Variants in TCF21 observed in about 807,000 individuals in gnomAD.
The protein encoded by TCF21 is transcription factor 21.
TCF21 carries 3 observed loss-of-function variants against 13.5 expected under a neutral mutation model. That is an observed-to-expected ratio of 0.22 (90% CI 0.10 to 0.57). The LOEUF (loss-of-function observed/expected upper bound fraction) is 0.57, where lower values mean the gene tolerates loss of function less well. TCF21 is among the 20% of genes least tolerant of loss of function. The pLI is 0.92. For synonymous variants in TCF21, 92 were observed against 101.7 expected (o/e 0.90, Z 0.57); for missense variants, 181 against 238.4 (o/e 0.76, Z 1.59).
chr6:133,891,807 G>T lies in TCF21; in HGVS notation c.*5G>T, dbSNP rs200602364. The T allele has an allele frequency of 1.6e-5, 26 of 1,613,848 alleles. No individual in the cohort carries two copies. In the East Asian group the frequency reaches 5.8e-4, roughly 36 times the overall value. ...TGTGGAACCACCGCGTCCTGACCTTGGAGGTGCGAGTCTGGGAAAGGCGCG... is the reference window on the plus strand; with the variant it reads ...TGTGGAACCACCGCGTCCTGACCTTTGAGGTGCGAGTCTGGGAAAGGCGCG... On this transcript the variant is annotated 3_prime_UTR_variant, in exon 2 of 2. Coordinates refer to ENST00000367882, the MANE Select transcript of TCF21 (RefSeq NM_003206.4).
chr6:133,889,294 G>A lies in TCF21; in HGVS notation c.-104G>A, dbSNP rs1775162629. ...GGAGGTGGCTGCGCCACACTCGGGAGGCCTCTTGGTTTCAGGGTCTCTCTG... is the reference window on the plus strand; with the variant it reads ...GGAGGTGGCTGCGCCACACTCGGGAAGCCTCTTGGTTTCAGGGTCTCTCTG... On this transcript the variant is annotated 5_prime_UTR_variant, in exon 1 of 2. Transcript: ENST00000367882. This position sits in a 1 kb window ranked among gnomAD's most constrained non-coding sequence, Gnocchi z 5.1. The A allele has an allele frequency of 2.8e-6, 4 of 1,451,024 alleles. No individual in the cohort carries two copies. The highest frequency in any genetic ancestry group is 1.7e-5 in the Admixed American group (1 of 59,524). 89.9% of individuals were successfully genotyped at this position (1,451,024 alleles called of 1,614,324 possible). A position where few individuals can be genotyped will look rare whatever the true frequency, so the allele number is the denominator to read the frequency against.
Position 133,889,353 on chromosome 6 carries a change from C to G in TCF21, c.-45C>G. ...TCACCCTCTTCCTCGCTTTCTCTGT[C>G]TCTCTGTCTCTCTCTCTCTCTCTCC... On this transcript the variant is annotated 5_prime_UTR_variant, in exon 1 of 2. Transcript: ENST00000367882. The surrounding 1 kb of genome is among the most constrained non-coding windows in gnomAD (Gnocchi z 5.1). 6.3e-7 allele frequency: 1 copy of G among 1,594,862 alleles called. No homozygotes were observed. Among genetic ancestry groups the G allele is most frequent in the African/African-American group, 1.4e-5 (1 of 70,992 alleles).
At position 133,889,862 on chromosome 6, in the gene TCF21, G is replaced by A. The variant is rs1466196140; in HGVS notation, c.450+15G>A. On this transcript the variant is annotated intron_variant, in intron 1 of 1. Coordinates refer to ENST00000367882, the MANE Select transcript of TCF21 (RefSeq NM_003206.4). The surrounding 1 kb of genome is among the most constrained non-coding windows in gnomAD (Gnocchi z 5.1). ...CGGTCAACCTGGTGAGTGCTCCCGG[G>A]GCTGCAGCTGCAGTCCAGGCGCGCC... The A allele has an allele frequency of 1.2e-6, 2 of 1,612,538 alleles. No individual in the cohort carries two copies. Among genetic ancestry groups the A allele is most frequent in the Non-Finnish European group, 1.7e-6 (2 of 1,179,700 alleles).
At position 133,889,119 on chromosome 6, in the gene TCF21, C is replaced by T. The variant is rs1775159109; in HGVS notation, c.-279C>T. ...AGTGTCCACCAAATTCCTCAGCGCT[C>T]GCTCACCCTCCTCTACGGCCACGAC... On this transcript the variant is annotated 5_prime_UTR_variant, in exon 1 of 2. Coordinates refer to ENST00000367882, the MANE Select transcript of TCF21 (RefSeq NM_003206.4). The surrounding 1 kb of genome is among the most constrained non-coding windows in gnomAD (Gnocchi z 5.1). 2 of 524,190 alleles carry T rather than the reference C, an allele frequency of 3.8e-6. No homozygotes were observed. Among genetic ancestry groups the T allele is most frequent in the Admixed American group, 3.2e-5 (1 of 31,424 alleles). 32.5% of individuals were successfully genotyped at this position (524,190 alleles called of 1,614,324 possible).
intron 1 of TCF21, among the ~76,000 whole-genome samples, chr6:133,890,446 G>C (rs144680976): frequency 6.6e-6 from 1 of 152,210 alleles, no homozygotes; most frequent in African/African-American, 2.4e-5. Flanking sequence ...AGAAGTTCTA[G>C]TAATGATCAG....
intron 1 of TCF21, 122 bp from the exon 2 acceptor site, chr6:133,891,591 A>G (rs188420538): frequency 9.6e-7 from 1 of 1,041,132 alleles, no homozygotes; most frequent in East Asian, 2.6e-5. Context: ...TTGCAGAGAT[A>G]ACCGGTCTCT....
chr6:133,889,654 C>T lies in TCF21; in HGVS notation c.257C>T (p.Ala86Val). The change falls in exon 1 of 2, where the codon GCG becomes GTG. Residue 86 changes from alanine to valine, a missense_variant. Ala to Val is a moderately conservative substitution (Grantham distance 64). Around this residue, in one of 3 missense-constraint regions of TCF21, gnomAD observed 35 missense variants for 80.4 expected, o/e 0.44. Transcript: ENST00000367882. This position sits in a 1 kb window ranked among gnomAD's most constrained non-coding sequence, Gnocchi z 5.1. Reference sequence around the variant, plus strand: ...CAGGTCCAGCGCAACGCCGCCAACGCGCGAGAGCGGGCCCGCATGCGAGTG... The same window carrying T: ...CAGGTCCAGCGCAACGCCGCCAACGTGCGAGAGCGGGCCCGCATGCGAGTG... ...GKQVQRNAAN[A>V]RERARMRVLS... The T allele has an allele frequency of 6.2e-7, 1 of 1,613,838 alleles. No homozygotes were observed. Among genetic ancestry groups the T allele is most frequent in the Non-Finnish European group, 8.5e-7 (1 of 1,179,954 alleles).
chr6:133,890,738 G>A (rs896936468), intron 1 of TCF21, among the ~76,000 whole-genome samples: 1 of 152,140 alleles, frequency 6.6e-6, no homozygotes, highest in Non-Finnish European at 1.5e-5. Flanking sequence ...GTTTGTATAT[G>A]ATAAGAATGA....
Position 133,889,372 on chromosome 6 carries a change from T to TCTCTCTCTCC in TCF21, c.-21_-20insTCTCCCTCTC. The TCTCTCTCTCC allele has an allele frequency of 6.2e-7, 1 of 1,612,060 alleles. No homozygotes were observed. The highest frequency in any genetic ancestry group is 8.5e-7 in the Non-Finnish European group (1 of 1,179,442). ...CTCTGTCTCTCTGTCTCTCTCTCTC[T>TCTCTCTCTCC]CTCTCCCTCGTCCACTCCCCCAAAC... On this transcript the variant is annotated 5_prime_UTR_variant, in exon 1 of 2. Coordinates refer to ENST00000367882, the MANE Select transcript of TCF21 (RefSeq NM_003206.4). This position sits in a 1 kb window ranked among gnomAD's most constrained non-coding sequence, Gnocchi z 5.1.
rs755847724 is a variant in TCF21 at position 133,889,155 on chromosome 6, G to C, written c.-243G>C. The C allele has an allele frequency of 1.7e-6, 1 of 575,046 alleles. No individual in the cohort carries two copies. Among genetic ancestry groups the C allele is most frequent in the Non-Finnish European group, 3.1e-6 (1 of 322,350 alleles). The allele number at this position is 575,046 out of a possible 1,614,324, so 35.6% of individuals were successfully genotyped here. ...CTCTACGGCCACGACTCTGGGAGTG[G>C]GGAAACAGAGAGCCGGTTCCTCTGC... On this transcript the variant is annotated 5_prime_UTR_variant, in exon 1 of 2. Coordinates refer to ENST00000367882, the MANE Select transcript of TCF21 (RefSeq NM_003206.4). This position sits in a 1 kb window ranked among gnomAD's most constrained non-coding sequence, Gnocchi z 5.1.
chr6:133,893,793 T>C (rs2114566592), downstream of TCF21: 1 of 152,324 alleles, frequency 6.6e-6, no homozygotes, highest in South Asian at 2.1e-4. Context: ...CTATCTATAG[T>C]TCCCTACCAA....
At position 133,889,624 on chromosome 6, in the gene TCF21, G is replaced by C; in HGVS notation, c.227G>C (p.Gly76Ala). The change falls in exon 1 of 2, where the codon GGG (glycine) becomes GCG (alanine). Residue 76 changes from glycine to alanine, a missense_variant. Gly to Ala is a moderately conservative substitution (Grantham distance 60). This residue lies in a region of TCF21 where 91 missense variants were observed against 98.5 expected (regional missense o/e 0.92). Coordinates refer to ENST00000367882, the MANE Select transcript of TCF21 (RefSeq NM_003206.4). This position sits in a 1 kb window ranked among gnomAD's most constrained non-coding sequence, Gnocchi z 5.1. Reference sequence around the variant, plus strand: ...CCCCTGAGCGGGGTCAGCCAGGAGGGGAAGCAGGTCCAGCGCAACGCCGCC... The same window carrying C: ...CCCCTGAGCGGGGTCAGCCAGGAGGCGAAGCAGGTCCAGCGCAACGCCGCC... ...KSPLSGVSQE[G>A]KQVQRNAANA... 3 of 1,613,740 alleles carry C rather than the reference G, an allele frequency of 1.9e-6. No individual in the cohort carries two copies. The highest frequency in any genetic ancestry group is 2.5e-6 in the Non-Finnish European group (3 of 1,179,926).
chr6:133,889,633 T>G lies in TCF21; in HGVS notation c.236T>G (p.Val79Gly), dbSNP rs1775173954. 6.2e-7 allele frequency: 1 copy of G among 1,610,882 alleles called. No homozygotes were observed. The highest frequency in any genetic ancestry group is 1.7e-5 in the Admixed American group (1 of 59,598). Residue 79 changes from valine to glycine, a missense_variant, in exon 1 of 2, where the codon GTC (valine) becomes GGC (glycine). Val to Gly is a moderately radical substitution (Grantham distance 109, BLOSUM62 -3). Around this residue, in one of 3 missense-constraint regions of TCF21, gnomAD observed 35 missense variants for 80.4 expected, o/e 0.44. Coordinates refer to ENST00000367882, the MANE Select transcript of TCF21 (RefSeq NM_003206.4). The surrounding 1 kb of genome is among the most constrained non-coding windows in gnomAD (Gnocchi z 5.1). ...GGGGTCAGCCAGGAGGGGAAGCAGG[T>G]CCAGCGCAACGCCGCCAACGCGCGA... ...LSGVSQEGKQ[V>G]QRNAANARER...
At chr6:133,890,211 C>T (rs564414148) in intron 1 of TCF21, among the ~76,000 whole-genome samples, 5 of 152,322 alleles carry the variant, frequency 3.3e-5, no homozygotes, top group African/African-American at 1.2e-4. Context: ...CAAGACGCTG[C>T]GAGCGGACAG....
At position 133,889,588 on chromosome 6, in the gene TCF21, C is replaced by A; in HGVS notation, c.191C>A (p.Thr64Asn). 1.2e-6 allele frequency: 2 copies of A among 1,613,956 alleles called. No homozygotes were observed. Among genetic ancestry groups the A allele is most frequent in the Non-Finnish European group, 8.5e-7 (1 of 1,179,924 alleles). Residue 64 changes from threonine (T) to asparagine (N), a missense_variant, in exon 1 of 2, where the codon ACC (threonine) becomes AAC (asparagine). Transcript: ENST00000367882. This position sits in a 1 kb window ranked among gnomAD's most constrained non-coding sequence, Gnocchi z 5.1. ...CTGGGCAAGAGGAGGAAGGCGCCCA[C>A]CAAGAAGAGCCCCCTGAGCGGGGTC... ...GGLGKRRKAP[T>N]KKSPLSGVSQ... is the part of the protein sequence containing the mutation.
At position 133,891,843 on chromosome 6, in the gene TCF21, G is replaced by C. The variant is rs760358719; in HGVS notation, c.*41G>C. ...TCTGGGAAAGGCGCGCTCCCGGGGG[G>C]AGCGGGCCCCGGGAAGGCGACCCCT... is the stretch of plus-strand genomic sequence containing the variant. On this transcript the variant is annotated 3_prime_UTR_variant, in exon 2 of 2. Transcript: ENST00000367882. 1 of 1,607,820 alleles carries C rather than the reference G, an allele frequency of 6.2e-7. No homozygotes were observed. The highest frequency in any genetic ancestry group is 1.3e-5 in the African/African-American group (1 of 74,800).
chr6:133,889,228 G>T lies in TCF21; in HGVS notation c.-170G>T, dbSNP rs538738060. On this transcript the variant is annotated 5_prime_UTR_variant, in exon 1 of 2. Coordinates refer to ENST00000367882, the MANE Select transcript of TCF21 (RefSeq NM_003206.4). This position sits in a 1 kb window ranked among gnomAD's most constrained non-coding sequence, Gnocchi z 5.1. ...TCTCACAACTCTGCGAAGGGGAAAG[G>T]GTTGTGAGACCCAACCAGACCCCAA... 12 of 775,208 alleles carry T rather than the reference G, an allele frequency of 1.5e-5. No individual in the cohort carries two copies. Among genetic ancestry groups the T allele is most frequent in the African/African-American group, 3.5e-5 (2 of 57,868 alleles). 48.0% of individuals were successfully genotyped at this position (775,208 alleles called of 1,614,324 possible). A position where few individuals can be genotyped will look rare whatever the true frequency, so the allele number is the denominator to read the frequency against.
chr6:133,893,431 T>A (rs1164313894), downstream of TCF21: 1 of 152,262 alleles, frequency 6.6e-6, no homozygotes, highest in Non-Finnish European at 1.5e-5. Context: ...TTTCAAGATG[T>A]CAGGATACCC....
chr6:133,894,014 G>T (rs1222811616), downstream of TCF21: 1 of 152,112 alleles, frequency 6.6e-6, no homozygotes, highest in African/African-American at 2.4e-5. Flanking sequence ...GCTTAGTGAG[G>T]CTCAGATGAG....
Sources: gnomAD v4.1 joint callset for allele counts (sites outside exome capture counted in the v4.1 genomes callset) on GRCh38, gnomAD v4.1.1 for gene constraint, gnomAD v4.1.1 regional missense constraint, Gnocchi (gnomAD v3.1) non-coding constraint, MANE v1.5 for transcripts, NCBI Gene and HGNC (gene_info 2026-07-23, HGNC 2026-07-21) for gene names.